The following HCN1 variants were observed in gnomAD, a reference collection of about 807,000 sequenced individuals.
HCN1 encodes the protein potassium/sodium hyperpolarization-activated cyclic nucleotide-gated channel 1.
HCN1 carries 13 observed loss-of-function variants against 78.9 expected under a neutral mutation model. The observed-to-expected ratio is 0.16, with a 90% CI of 0.11 to 0.26. The LOEUF (loss-of-function observed/expected upper bound fraction) is 0.26. Among genes scored for constraint, HCN1 ranks in the 10% least tolerant of loss-of-function variants. HCN1 has a pLI of 1.00. For missense variants in HCN1, 810 were observed against 1,154.3 expected, an observed-to-expected ratio of 0.70 and a Z score of 4.32; for synonymous variants, 552 against 455.5, an observed-to-expected ratio of 1.21 and a Z score of -2.70.
At chr5:45,542,928 C>G (rs1743135397) in intron 2 of HCN1, among the ~76,000 whole-genome samples, 1 of 152,040 alleles carries the variant, frequency 6.6e-6, no homozygotes. Flanking sequence ...TATAAACACA[C>G]AATAGAAAGA....
intron 7 of HCN1, among the ~76,000 whole-genome samples, chr5:45,266,701 G>A (rs975144778): frequency 1.3e-5 from 2 of 150,952 alleles, no homozygotes; most frequent in African/African-American, 2.4e-5. Flanking sequence ...ACTGGCATGT[G>A]GGATTTTTTT....
chr5:45,538,072 A>C (rs1314983332), intron 2 of HCN1, among the ~76,000 whole-genome samples: 1 of 152,070 alleles, frequency 6.6e-6, no homozygotes, highest in African/African-American at 2.4e-5. Context: ...AATCTGTGTT[A>C]AGAAAGGGGT....
chr5:45,494,359 G>T (rs148097289), intron 2 of HCN1, among the ~76,000 whole-genome samples: 23 of 152,150 alleles, frequency 1.5e-4, no homozygotes, highest in Non-Finnish European at 2.9e-4. Flanking sequence ...CAGTGATGGT[G>T]AGCATTTTTC....
At chr5:45,322,925 C>A (rs1037797035) in intron 5 of HCN1, among the ~76,000 whole-genome samples, 6 of 151,748 alleles carry the variant, frequency 4.0e-5, no homozygotes, top group Non-Finnish European at 7.4e-5. Context: ...CTTGAGCAAC[C>A]TTGTCTGATA....
At chr5:45,502,889 G>A (rs1346384493) in intron 2 of HCN1, among the ~76,000 whole-genome samples, 1 of 152,092 alleles carries the variant, frequency 6.6e-6, no homozygotes, top group Non-Finnish European at 1.5e-5. Context: ...CATTTTTAAA[G>A]TAGAAATTGT....
At chr5:45,462,618 A>G (rs1045209397) in intron 2 of HCN1, among the ~76,000 whole-genome samples, 19 of 152,120 alleles carry the variant, frequency 1.2e-4, no homozygotes, top group Admixed American at 1.1e-3. Context: ...TTTAAAAATC[A>G]TAACTATTTC....
intron 2 of HCN1, among the ~76,000 whole-genome samples, chr5:45,615,201 T>C (rs907514351): frequency 6.6e-6 from 1 of 152,054 alleles, no homozygotes; most frequent in African/African-American, 2.4e-5. Flanking sequence ...TTACATTAAT[T>C]GTTTAACAGA....
intron 4 of HCN1, among the ~76,000 whole-genome samples, chr5:45,368,277 TAAG>T (rs1310568784): frequency 1.3e-5 from 2 of 152,040 alleles, no homozygotes; most frequent in Non-Finnish European, 2.9e-5. Flanking sequence ...TGAATGATCT[TAAG>T]GAGACACATT....
chr5:45,536,468 T>C (rs1561192745), intron 2 of HCN1, among the ~76,000 whole-genome samples: 1 of 152,126 alleles, frequency 6.6e-6, no homozygotes, highest in African/African-American at 2.4e-5. Context: ...ACCCACACAG[T>C]GTTTTCCTTT....
At chr5:45,388,409 G>A (rs1274904242) in intron 4 of HCN1, among the ~76,000 whole-genome samples, 1 of 152,102 alleles carries the variant, frequency 6.6e-6, no homozygotes, top group Non-Finnish European at 1.5e-5. Flanking sequence ...TCTTCCTCTT[G>A]TCATGAGCTG....
At chr5:45,372,137 AATAAT>A (rs1481886575) in intron 4 of HCN1, among the ~76,000 whole-genome samples, 1 of 54,298 alleles carries the variant, frequency 1.8e-5, no homozygotes, top group East Asian at 8.2e-4. Context: ...TATATAATAT[AATAAT>A]ATATTATATA....
At chr5:45,410,883 A>G (rs1298748404) in intron 3 of HCN1, among the ~76,000 whole-genome samples, 2 of 152,086 alleles carry the variant, frequency 1.3e-5, no homozygotes, top group African/African-American at 2.4e-5. Context: ...CTGAGAGAAC[A>G]TTTAGCATTG....
At chr5:45,498,252 T>A (rs917779620) in intron 2 of HCN1, among the ~76,000 whole-genome samples, 1 of 152,204 alleles carries the variant, frequency 6.6e-6, no homozygotes, top group Non-Finnish European at 1.5e-5. Flanking sequence ...TCTTTTCACA[T>A]AGTCCCATAT....
At chr5:45,366,225 G>T (rs1468174031) in intron 4 of HCN1, among the ~76,000 whole-genome samples, 1 of 151,236 alleles carries the variant, frequency 6.6e-6, no homozygotes, top group Non-Finnish European at 1.5e-5. Flanking sequence ...TATGTTATGT[G>T]TGTGTGTGGT....
chr5:45,658,879 G>A (rs1745851982), intron 1 of HCN1, among the ~76,000 whole-genome samples: 1 of 148,796 alleles, frequency 6.7e-6, no homozygotes, highest in Admixed American at 6.7e-5. Context: ...GCTGGGGGAG[G>A]GGCGCCCGCC....
At chr5:45,348,619 C>A (rs1202728984) in intron 5 of HCN1, among the ~76,000 whole-genome samples, 6 of 152,078 alleles carry the variant, frequency 3.9e-5, no homozygotes, top group Admixed American at 2.0e-4. Flanking sequence ...ATTCAGGAAA[C>A]CCATCTCATG....
At chr5:45,639,198 A>T (rs1745409792) in intron 2 of HCN1, among the ~76,000 whole-genome samples, 1 of 152,176 alleles carries the variant, frequency 6.6e-6, no homozygotes, top group Non-Finnish European at 1.5e-5. Flanking sequence ...CAAAGAAAAC[A>T]GTCCGGCATT....
chr5:45,439,933 T>C (rs1422870444), intron 3 of HCN1, among the ~76,000 whole-genome samples: 1 of 148,852 alleles, frequency 6.7e-6, no homozygotes, highest in Non-Finnish European at 1.5e-5. Context: ...AGTCATATTG[T>C]ATGTAATTAT....
intron 2 of HCN1, among the ~76,000 whole-genome samples, chr5:45,477,760 T>A (rs967398725): frequency 2.0e-5 from 3 of 152,044 alleles, no homozygotes; most frequent in Non-Finnish European, 2.9e-5. Context: ...GTAAAGGGCA[T>A]AACATGTCTC....
Sources: gnomAD v4.1 joint callset for allele counts (sites outside exome capture counted in the v4.1 genomes callset) on GRCh38, gnomAD v4.1.1 for gene constraint, MANE v1.5 for transcripts, NCBI Gene and HGNC (gene_info 2026-07-23, HGNC 2026-07-21) for gene names.